The following MSN variants were observed in gnomAD, a reference collection of about 807,000 sequenced individuals.
MSN encodes moesin.
MSN carries 2 observed loss-of-function variants against 48.0 expected under a neutral mutation model. The observed-to-expected ratio is 0.04, with a 90% CI of 0.02 to 0.13. MSN has a LOEUF of 0.13. MSN is among the 10% of genes least tolerant of loss of function. The probability of loss-of-function intolerance (pLI) is 1.00; values close to 1 mark genes in which losing one functional copy is unlikely to be tolerated. For synonymous variants in MSN, 146 were observed against 166.9 expected, an observed-to-expected ratio of 0.87 and a Z score of 0.97; for missense variants, 267 against 470.1, an observed-to-expected ratio of 0.57 and a Z score of 3.99.
intron 3 of MSN, 65 bp downstream of exon 3, chrX:65,727,974 A>G: frequency 9.8e-7 from 1 of 1,025,100 alleles, no homozygotes; most frequent in Non-Finnish European, 1.4e-6. Context: ...CTGGGAGGGT[A>G]CCATGTGCTA....
At chrX:65,660,493 A>T (rs1448987716) in intron 1 of MSN, among the ~76,000 whole-genome samples, 1 of 108,866 alleles carries the variant, frequency 9.2e-6, no homozygotes, top group Non-Finnish European at 1.9e-5. Context: ...ATCTTGCCTG[A>T]TTGCTCTGGC....
intron 1 of MSN, among the ~76,000 whole-genome samples, chrX:65,637,567 T>A (rs2070615275): frequency 9.0e-6 from 1 of 111,353 alleles, no homozygotes; most frequent in Non-Finnish European, 1.9e-5. Flanking sequence ...ATAAAGAGCC[T>A]CCTTGCTGTT....
intron 1 of MSN, among the ~76,000 whole-genome samples, chrX:65,654,493 AC>A (rs2070767805): frequency 9.1e-6 from 1 of 109,610 alleles, no homozygotes; most frequent in Admixed American, 9.9e-5. Context: ...TATTATTATT[AC>A]CCCAATTTTT....
upstream of MSN, among the ~76,000 whole-genome samples, chrX:65,664,824 A>T (rs1260036971): frequency 7.7e-5 from 8 of 104,241 alleles, no homozygotes; most frequent in Admixed American, 4.3e-4. Context: ...ATCTTTGCTC[A>T]CTGCAGCCTC....
At chrX:65,615,647 T>C (rs1253657683) in intron 1 of MSN, among the ~76,000 whole-genome samples, 1 of 104,916 alleles carries the variant, frequency 9.5e-6, no homozygotes, top group African/African-American at 3.6e-5. Context: ...TTCTCCCATT[T>C]TGTAGGTTGC....
chrX:65,658,211 C>A (rs1413033852), intron 1 of MSN, among the ~76,000 whole-genome samples: 1 of 111,568 alleles, frequency 9.0e-6, no homozygotes. Flanking sequence ...TTAGGGGAGA[C>A]AACAGTATCT....
intron 1 of MSN, among the ~76,000 whole-genome samples, chrX:65,696,844 G>T (rs949043472): frequency 1.1e-4 from 12 of 110,915 alleles, no homozygotes; most frequent in Non-Finnish European, 1.9e-4. Context: ...GCTACATAGG[G>T]ACCAAAACTA....
At chrX:65,737,530 C>T (rs2071690190) in intron 10 of MSN, among the ~76,000 whole-genome samples, 192 bp downstream of exon 10, 1 of 112,188 alleles carries the variant, frequency 8.9e-6, no homozygotes, top group Admixed American at 9.4e-5. Context: ...TGCAGTCTTC[C>T]CTAACCCTTA....
At chrX:65,699,748 CAA>C (rs34875923) in intron 1 of MSN, among the ~76,000 whole-genome samples, 1,840 of 43,055 alleles carry the variant, frequency 0.043, 70 homozygotes, top group African/African-American at 0.13. Context: ...GAATCTGTTT[CAA>C]AAAAAAAAAA....
intron 1 of MSN, among the ~76,000 whole-genome samples, chrX:65,596,030 A>G (rs1351878118): frequency 1.8e-5 from 2 of 111,765 alleles, no homozygotes; most frequent in Non-Finnish European, 3.8e-5. Context: ...TCTGAATCCC[A>G]GTCCAGATTC....
At chrX:65,614,025 T>C (rs1454797105) in intron 1 of MSN, among the ~76,000 whole-genome samples, 5 of 112,059 alleles carry the variant, frequency 4.5e-5, no homozygotes, top group Non-Finnish European at 9.4e-5. Context: ...TAGGTCCTTA[T>C]TCATCTTGAG....
intron 2 of MSN, among the ~76,000 whole-genome samples, chrX:65,720,566 T>C (rs1479392879): frequency 8.9e-6 from 1 of 112,147 alleles, no homozygotes; most frequent in East Asian, 2.8e-4. Flanking sequence ...GGATGTGAGC[T>C]CTTCTCTCTC....
intron 1 of MSN, among the ~76,000 whole-genome samples, chrX:65,639,230 G>A (rs1420852021): frequency 4.5e-5 from 5 of 110,811 alleles, no homozygotes; most frequent in East Asian, 2.8e-4. Flanking sequence ...TGCGACCTCC[G>A]CTTCCCAGGT....
At chrX:65,670,649 G>A (rs187824286) in intron 1 of MSN, among the ~76,000 whole-genome samples, 1 of 107,536 alleles carries the variant, frequency 9.3e-6, no homozygotes, top group East Asian at 2.9e-4. Context: ...CTTGAACCTG[G>A]GAGGCGGAGG....
rs201686694 is a variant in MSN at position 65,729,453 on chromosome X, G to A, written c.208G>A (p.Val70Met). 2.5e-6 allele frequency: 3 copies of A among 1,210,773 alleles called. No homozygotes were observed. The highest frequency in any genetic ancestry group is 2.2e-6 in the Non-Finnish European group (2 of 895,100). ...KLNKKVTAQD[V>M]RKESPLLFKF... The stretch of plus-strand genomic sequence containing the variant: ...CTCTTCCCAGGTGACTGCCCAGGAT[G>A]TGCGGAAGGAAAGCCCCCTGCTCTT... The change falls in exon 4 of 13, where the codon GTG becomes ATG. Residue 70 changes from valine to methionine, a missense_variant. This residue lies in a region of MSN where 89 missense variants were observed against 151.0 expected (regional missense o/e 0.59). Coordinates refer to ENST00000360270, the MANE Select transcript of MSN (RefSeq NM_002444.3).
Position 65,671,473 on chromosome X carries a change from C to G in MSN, c.12+3620C>G, listed in dbSNP as rs139887757. On this transcript the variant is annotated intron_variant, in intron 1 of 12. Coordinates refer to ENST00000360270, the MANE Select transcript of MSN (RefSeq NM_002444.3). ...TGGACTGTTTATTCTCCTGCCATTC[C>G]TAGCATTACTTGAGCCACTCGAGTG... Among the ~76,000 whole-genome samples the G allele has an allele frequency of 1.1e-3, 128 of 111,722 alleles. No homozygotes were observed. In the Middle Eastern group the frequency reaches 0.023, roughly 20 times the overall value.
rs183722082 is a variant in MSN at position 65,661,024 on chromosome X, T to C, written c.-21-55794T>C. Among the ~76,000 whole-genome samples the C allele has an allele frequency of 4.6e-3, 511 of 111,303 alleles. 4 individuals carry two copies. Among genetic ancestry groups the C allele is most frequent in the African/African-American group, 0.016 (490 of 30,554 alleles). On this transcript the variant is annotated intron_variant, in intron 1 of 3. Coordinates refer to the MSN transcript ENST00000609672. ...TGTCACCCAGGCTGGAGTGCAGTGG[T>C]GTGATCTCAGCTCATTGCAACCTCT... is the stretch of plus-strand genomic sequence containing the variant.
chrX:65,713,524 G>C (rs1463643041), intron 1 of MSN, among the ~76,000 whole-genome samples: 1 of 112,211 alleles, frequency 8.9e-6, no homozygotes, highest in African/African-American at 3.2e-5. Flanking sequence ...CCTTTGCACA[G>C]GTAAGGGAAA....
upstream of MSN, among the ~76,000 whole-genome samples, chrX:65,666,960 A>AG (rs2070877094): frequency 8.9e-6 from 1 of 112,132 alleles, no homozygotes; most frequent in African/African-American, 3.2e-5. Context: ...GAGGGGCTAA[A>AG]GGATCAGGTC....
Sources: allele counts gnomAD v4.1 joint callset (sites outside exome capture counted in the v4.1 genomes callset), GRCh38; gene constraint gnomAD v4.1.1; regional missense constraint gnomAD v4.1.1; transcripts MANE v1.5; gene names NCBI Gene and HGNC (gene_info 2026-07-23, HGNC 2026-07-21).